The following CCSER1 variants were observed in gnomAD, a reference collection of about 807,000 sequenced individuals.
CCSER1 encodes serine-rich coiled-coil domain-containing protein 1.
CCSER1 carries 41 observed loss-of-function variants against 82.0 expected under a neutral mutation model. The observed-to-expected ratio is 0.50, with a 90% CI of 0.39 to 0.65. CCSER1 has a LOEUF of 0.65. CCSER1 is among the 30% of genes least tolerant of loss of function. CCSER1 has a pLI of 0.00. For missense variants in CCSER1, 1,119 were observed against 1,064.2 expected (o/e 1.05, Z -0.72); for synonymous variants, 414 against 383.9 (o/e 1.08, Z -0.92).
At chr4:91,222,018 A>G (rs1737790856) in intron 10 of CCSER1, among the ~76,000 whole-genome samples, 1 of 152,006 alleles carries the variant, frequency 6.6e-6, no homozygotes. Context: ...TTCTATGAAG[A>G]AAATATGCAC....
At chr4:91,139,822 C>T (rs1170279573) in intron 10 of CCSER1, among the ~76,000 whole-genome samples, 1 of 152,114 alleles carries the variant, frequency 6.6e-6, no homozygotes, top group African/African-American at 2.4e-5. Context: ...AATTGCTTCT[C>T]TGAAAACCTT....
At position 91,421,696 on chromosome 4, in the gene CCSER1, T is replaced by C. The variant is rs1234680933; in HGVS notation, c.2218-176876T>C. 4.6e-5 allele frequency among the ~76,000 whole-genome samples: 7 copies of C among 151,992 alleles called. No individual in the cohort carries two copies. In the East Asian group the frequency reaches 1.3e-3, roughly 29 times the overall value. ...AGTGATGAGCATGTTAATTTGATTG[T>C]AGTAATCATTACACAGTGTAAATAT... On this transcript the variant is annotated intron_variant, in intron 10 of 10. Coordinates refer to ENST00000509176, the MANE Select transcript of CCSER1 (RefSeq NM_001145065.2).
chr4:91,322,191 A>G (rs527580376), intron 10 of CCSER1, among the ~76,000 whole-genome samples: 7 of 152,238 alleles, frequency 4.6e-5, no homozygotes, highest in Non-Finnish European at 1.0e-4. Flanking sequence ...AGCAAAATAT[A>G]CTTCACTTTT....
chr4:90,683,625 C>G (rs1410480529), intron 6 of CCSER1, among the ~76,000 whole-genome samples: 1 of 151,714 alleles, frequency 6.6e-6, no homozygotes, highest in Non-Finnish European at 1.5e-5. Flanking sequence ...TGATTTGGAC[C>G]CAACATCTTT....
At chr4:90,146,520 G>C (rs953298389) in intron 1 of CCSER1, among the ~76,000 whole-genome samples, 1 of 151,840 alleles carries the variant, frequency 6.6e-6, no homozygotes, top group African/African-American at 2.4e-5. Flanking sequence ...GCTTGTACTC[G>C]GTTCAAAGAG....
Position 90,293,777 on chromosome 4 carries a change from A to G in CCSER1, c.-41-14467A>G, listed in dbSNP as rs11944278. Among the ~76,000 whole-genome samples the G allele has an allele frequency of 6.0e-3, 915 of 151,978 alleles. 8 individuals carry two copies. The highest frequency in any genetic ancestry group is 0.021 in the African/African-American group (888 of 41,538). On this transcript the variant is annotated intron_variant, in intron 1 of 10. Coordinates refer to ENST00000509176, the MANE Select transcript of CCSER1 (RefSeq NM_001145065.2). ...TCAAAAGAACATGCATCTCAGATAT[A>G]TAGTTTACTTAAAAATAAGTAAAAT...
chr4:90,238,266 G>GGAA (rs1279864677), intron 1 of CCSER1, among the ~76,000 whole-genome samples: 1 of 152,146 alleles, frequency 6.6e-6, no homozygotes, highest in African/African-American at 2.4e-5. Context: ...ATCCACTCCA[G>GGAA]GAATGGTATT....
chr4:90,691,106 T>C (rs577324733), intron 6 of CCSER1, among the ~76,000 whole-genome samples: 1 of 152,010 alleles, frequency 6.6e-6, no homozygotes, highest in South Asian at 2.1e-4. Flanking sequence ...CTTTAGTAGA[T>C]GACAACAACT....
At chr4:91,470,373 A>G (rs1757193948) in intron 10 of CCSER1, among the ~76,000 whole-genome samples, 1 of 152,182 alleles carries the variant, frequency 6.6e-6, no homozygotes, top group African/African-American at 2.4e-5. Flanking sequence ...TCCTAAATAT[A>G]CTAGCTTTCT....
rs79337666 is a variant in CCSER1, at chr4:90,549,268, G to A, written c.1725-78757G>A. ...TATGAGAACATTTCATTCACTTAAT[G>A]TTTGCTAAGTGTCTATAATACAGAA... is the stretch of plus-strand genomic sequence containing the variant. On this transcript the variant is annotated intron_variant, in intron 5 of 10. Coordinates refer to ENST00000509176, the MANE Select transcript of CCSER1 (RefSeq NM_001145065.2). Among the ~76,000 whole-genome samples the A allele has an allele frequency of 4.4e-4, 67 of 152,252 alleles. 1 individual carries two copies. In the East Asian group the frequency reaches 0.012, roughly 28 times the overall value.
intron 10 of CCSER1, among the ~76,000 whole-genome samples, chr4:91,301,346 G>A (rs1257963310): frequency 6.6e-6 from 1 of 151,444 alleles, no homozygotes; most frequent in East Asian, 2.0e-4. Context: ...TAAAACAATT[G>A]CAATATTAAA....
rs191512892 is a variant in CCSER1 at position 91,603,113 on chromosome 4, G to C, written c.*4056G>C. 2.0e-5 allele frequency among the ~76,000 whole-genome samples: 3 copies of C among 151,904 alleles called. No homozygotes were observed. The highest frequency in any genetic ancestry group is 6.6e-5 in the Admixed American group (1 of 15,222). On this transcript the variant is annotated 3_prime_UTR_variant, in exon 11 of 11. Transcript: ENST00000509176. The stretch of plus-strand genomic sequence containing the variant: ...GTAATATAAAATACAAACTAGTTTT[G>C]GTTCTTATAAAAGGCTGATTTCAGT...
intron 10 of CCSER1, among the ~76,000 whole-genome samples, chr4:91,445,454 C>T (rs1755493572): frequency 6.6e-6 from 1 of 150,730 alleles, no homozygotes; most frequent in African/African-American, 2.4e-5. Context: ...ATAGCAAAGA[C>T]ACTTTCTCCC....
At chr4:91,264,103 T>A (rs1378655705) in intron 10 of CCSER1, among the ~76,000 whole-genome samples, 1 of 151,168 alleles carries the variant, frequency 6.6e-6, no homozygotes, top group Non-Finnish European at 1.5e-5. Context: ...CAAACCAGGA[T>A]GAAACATTTA....
At chr4:90,993,865 A>G (rs1029456621) in intron 9 of CCSER1, among the ~76,000 whole-genome samples, 1 of 152,086 alleles carries the variant, frequency 6.6e-6, no homozygotes, top group Non-Finnish European at 1.5e-5. Context: ...ACTAACATAC[A>G]TTACAATATT....
At chr4:90,267,789 C>G (rs980276264) in intron 1 of CCSER1, among the ~76,000 whole-genome samples, 4 of 152,166 alleles carry the variant, frequency 2.6e-5, no homozygotes, top group East Asian at 1.9e-4. Context: ...TGGGTACCCC[C>G]TAATGCAGAT....
At chr4:91,050,670 G>A (rs994638186) in intron 9 of CCSER1, among the ~76,000 whole-genome samples, 5 of 152,122 alleles carry the variant, frequency 3.3e-5, no homozygotes, top group African/African-American at 9.7e-5. Context: ...AGTCGAGCAG[G>A]AGCAGTTGCT....
At chr4:90,639,948 A>G (rs1235837659) in intron 6 of CCSER1, among the ~76,000 whole-genome samples, 4 of 152,140 alleles carry the variant, frequency 2.6e-5, no homozygotes, top group Non-Finnish European at 5.9e-5. Context: ...CCAGATTAGG[A>G]TGTGCCAATA....
At chr4:90,827,506 C>T (rs1674071356) in intron 8 of CCSER1, among the ~76,000 whole-genome samples, 2 of 152,102 alleles carry the variant, frequency 1.3e-5, no homozygotes, top group Admixed American at 1.3e-4. Context: ...AGAGGAATCA[C>T]CTACAGCCAC....
Sources: allele counts gnomAD v4.1 joint callset (sites outside exome capture counted in the v4.1 genomes callset), GRCh38; gene constraint gnomAD v4.1.1; transcripts MANE v1.5; gene names NCBI Gene and HGNC (gene_info 2026-07-23, HGNC 2026-07-21).